Variants in CDON observed in about 807,000 individuals in gnomAD.
CDON encodes the protein cell adhesion associated, oncogene regulated.
In CDON, 73 loss-of-function variants were observed where a neutral mutation model predicts 120.9. That is an observed-to-expected ratio of 0.60 (90% CI 0.50 to 0.73). The LOEUF is 0.73. Among genes scored for constraint, CDON ranks in the 30% least tolerant of loss-of-function variants. CDON has a pLI of 0.00. For synonymous variants in CDON, 566 were observed against 573.5 expected, an observed-to-expected ratio of 0.99 and a Z score of 0.19; for missense variants, 1,470 against 1,587.3, an observed-to-expected ratio of 0.93 and a Z score of 1.26.
At position 125,995,053 on chromosome 11, in the gene CDON, C is replaced by T; in HGVS notation, c.2363-1G>A. 1 of 1,612,572 alleles carries T rather than the reference C, an allele frequency of 6.2e-7. No individual in the cohort carries two copies. The highest frequency in any genetic ancestry group is 8.5e-7 in the Non-Finnish European group (1 of 1,179,374). On this transcript the variant is annotated splice_acceptor_variant, in intron 12 of 19. Transcript: ENST00000531738. LOFTEE classifies it high-confidence loss of function. ...ATGACCCTAAATTTGTATGTTGAAC[C>T]TTTGAGGGAAAACAAAAACAAACAA...
In CDON at chr11:125,961,052, G is replaced by C. The variant is rs762531926; in HGVS notation, c.3685C>G (p.Leu1229Val). The C allele has an allele frequency of 1.9e-6, 3 of 1,613,864 alleles. No homozygotes were observed. Among genetic ancestry groups the C allele is most frequent in the Non-Finnish European group, 2.5e-6 (3 of 1,179,940 alleles). ...TEINIVSWNA[L>V]ILPPVPEGCA... is the part of the protein sequence containing the mutation. ...CCCTCGGGGACAGGTGGCAAAATAA[G>C]AGCATTCCAACTTACAATGTTGATC... Residue 1229 changes from leucine to valine, a missense_variant, in exon 20 of 20, where the codon CTT becomes GTT. Physicochemically the swap from Leu to Val is conservative, Grantham distance 32. Coordinates refer to ENST00000531738, the MANE Select transcript of CDON (RefSeq NM_001378964.1).
At chr11:126,001,055 T>C (rs991762325) in intron 11 of CDON, among the ~76,000 whole-genome samples, 5 of 152,168 alleles carry the variant, frequency 3.3e-5, no homozygotes, top group African/African-American at 1.2e-4. Context: ...AAGTAACATG[T>C]AATCCTTCAG....
rs1204069711 is a variant in CDON at position 126,010,402 on chromosome 11, T to C, written c.1491A>G (p.Lys497=). 6.2e-7 allele frequency: 1 copy of C among 1,614,124 alleles called. No homozygotes were observed. Among genetic ancestry groups the C allele is most frequent in the Admixed American group, 1.7e-5 (1 of 60,026 alleles). ...IQAVTQEHAG[K]YICEAANEHG... ...GTTCATTTGCAGCTTCGCAGATGTA[T>C]TTCCCCGCATGTTCCTGAGTCACAG... Residue 497 remains lysine (K), a synonymous_variant, in exon 8 of 20, where the codon AAA becomes AAG. Transcript: ENST00000531738.
At chr11:125,984,202 C>G in intron 15 of CDON, 109 bp from the exon 16 acceptor site, 1 of 781,804 alleles carries the variant, frequency 1.3e-6, no homozygotes, top group Non-Finnish European at 2.2e-6. Context: ...TCTGTTTACT[C>G]TTGTTACTGA....
chr11:125,981,970 CTTTTTTTTT>C lies in CDON; in HGVS notation c.2996-650_2996-642del, dbSNP rs61446837. ...CAAAGGCAAAAAGTGATTCTATTTT[CTTTTTTTTT>C]TTTTTTTTTTTTTTTTTTTTTGAGA... On this transcript the variant is annotated intron_variant, in intron 16 of 19. Transcript: ENST00000531738. Among the ~76,000 whole-genome samples the C allele has an allele frequency of 4.3e-3, 233 of 54,294 alleles. 2 individuals are homozygous for C. Among genetic ancestry groups the C allele is most frequent in the African/African-American group, 5.8e-3 (72 of 12,444 alleles). 35.6% of individuals were successfully genotyped at this position (54,294 alleles called of 152,430 possible).
chr11:126,013,903 G>T (rs1456151611), intron 7 of CDON, among the ~76,000 whole-genome samples: 1 of 151,948 alleles, frequency 6.6e-6, no homozygotes, highest in Non-Finnish European at 1.5e-5. Context: ...GCCACAGAAG[G>T]CTATAAATTT....
upstream of CDON, among the ~76,000 whole-genome samples, chr11:126,062,990 G>C (rs1265177706): frequency 6.6e-6 from 1 of 151,794 alleles, no homozygotes; most frequent in Non-Finnish European, 1.5e-5. Flanking sequence ...ATGACTGACG[G>C]AGGCGGGCCG....
intron 1 of CDON, among the ~76,000 whole-genome samples, chr11:126,037,305 G>T (rs1391875640): frequency 1.3e-5 from 2 of 151,956 alleles, no homozygotes; most frequent in South Asian, 4.1e-4. Context: ...TCACCACGTT[G>T]GCCAGGCTGG....
Position 126,052,090 on chromosome 11 carries a change from TAAAACAAAAC to T in CDON, c.-62+10479_-62+10488del, listed in dbSNP as rs112365084. 6.2e-3 allele frequency among the ~76,000 whole-genome samples: 938 copies of T among 150,620 alleles called. 6 individuals are homozygous for T. Among genetic ancestry groups the T allele is most frequent in the African/African-American group, 0.02 (802 of 40,604 alleles). ...AATTGGCTTTAGTTAGCCATGGGATTAAAACAAAACAAAACAAAACAAAACAAAACAAAAA... is the reference window on the plus strand; with the variant it reads ...AATTGGCTTTAGTTAGCCATGGGATTAAAACAAAACAAAACAAAACAAAAA... On this transcript the variant is annotated intron_variant, in intron 1 of 19. Coordinates refer to ENST00000531738, the MANE Select transcript of CDON (RefSeq NM_001378964.1).
intron 19 of CDON, 93 bp from the exon 20 acceptor site, chr11:125,961,198 A>G (rs2134335497): frequency 1.7e-6 from 2 of 1,178,052 alleles, no homozygotes; most frequent in Non-Finnish European, 2.5e-6. Context: ...TGAGCCAAGA[A>G]GAAAGAAAAA....
intron 15 of CDON, 94 bp from the exon 16 acceptor site, chr11:125,984,187 G>C (rs766835359): frequency 3.4e-5 from 29 of 863,764 alleles, no homozygotes; most frequent in Non-Finnish European, 5.1e-5. Flanking sequence ...AGGAATGCAA[G>C]CCAGTCTGTT....
At chr11:125,965,687 A>C (rs1470869662) in intron 18 of CDON, among the ~76,000 whole-genome samples, 1 of 152,236 alleles carries the variant, frequency 6.6e-6, no homozygotes, top group African/African-American at 2.4e-5. Flanking sequence ...GGCTTTTACA[A>C]AGACTGCAAC....
intron 1 of CDON, among the ~76,000 whole-genome samples, chr11:126,028,564 T>C (rs918827246): frequency 4.6e-5 from 7 of 152,148 alleles, no homozygotes; most frequent in East Asian, 1.9e-4. Context: ...GGTTTTGCCA[T>C]GTTGGCCAGG....
At chr11:126,035,816 A>AT (rs750154313) in intron 1 of CDON, among the ~76,000 whole-genome samples, 1 of 152,164 alleles carries the variant, frequency 6.6e-6, no homozygotes, top group Non-Finnish European at 1.5e-5. Context: ...TAGGATCACA[A>AT]TATCTTTGTA....
chr11:126,062,876 C>G (rs1193852469), upstream of CDON: 1 of 151,480 alleles, frequency 6.6e-6, no homozygotes, highest in African/African-American at 2.4e-5. Flanking sequence ...CACCGGGGCG[C>G]GCCCCCGCGG....
intron 15 of CDON, among the ~76,000 whole-genome samples, chr11:125,986,895 G>A (rs57485611): frequency 0.023 from 3,228 of 140,650 alleles, 133 homozygotes; most frequent in African/African-American, 0.084. Flanking sequence ...CATCTTTCAA[G>A]AGAAGGTGTT....
intron 1 of CDON, among the ~76,000 whole-genome samples, chr11:126,036,053 A>T (rs1948087385): frequency 6.6e-6 from 1 of 152,218 alleles, no homozygotes; most frequent in South Asian, 2.1e-4. Flanking sequence ...ACATACACAC[A>T]CATATAAATA....
In CDON at chr11:125,973,018, C is replaced by CTTTTTTTTTTTTTTTTTTTTTTT. The variant is rs35828939; in HGVS notation, c.3356+5263_3356+5285dup. Among the ~76,000 whole-genome samples the CTTTTTTTTTTTTTTTTTTTTTTT allele has an allele frequency of 3.4e-5, 3 of 87,036 alleles. 1 individual carries two copies. Among genetic ancestry groups the CTTTTTTTTTTTTTTTTTTTTTTT allele is most frequent in the Non-Finnish European group, 6.7e-5 (3 of 44,942 alleles). The allele number at this position is 87,036 out of a possible 152,430, so 57.1% of individuals were successfully genotyped here. A position where few individuals can be genotyped will look rare whatever the true frequency, so the allele number is the denominator to read the frequency against. ...TGGCCTCTTCAACCAATTACTTGGT[C>CTTTTTTTTTTTTTTTTTTTTTTT]TTTTTTTTTTTTTTTTTTTTTTTTA... is the stretch of plus-strand genomic sequence containing the variant. On this transcript the variant is annotated intron_variant, in intron 18 of 19. Coordinates refer to ENST00000531738, the MANE Select transcript of CDON (RefSeq NM_001378964.1).
chr11:126,036,067 A>G (rs914452683), intron 1 of CDON, among the ~76,000 whole-genome samples: 2 of 152,190 alleles, frequency 1.3e-5, no homozygotes, highest in African/African-American at 2.4e-5. Context: ...ATAAATACAC[A>G]CATATGTATA....
Sources: allele counts gnomAD v4.1 joint callset (sites outside exome capture counted in the v4.1 genomes callset), GRCh38; gene constraint gnomAD v4.1.1; transcripts MANE v1.5; gene names NCBI Gene and HGNC (gene_info 2026-07-23, HGNC 2026-07-21).